Variants in SIDT2 observed in about 807,000 individuals in gnomAD.
SIDT2 encodes SID1 transmembrane family, member 2.
Under a neutral mutation model 114.4 loss-of-function variants are expected in SIDT2, and 68 were observed. The ratio of observed to expected loss-of-function variants is 0.59; its 90% CI spans 0.49 to 0.73. The LOEUF (loss-of-function observed/expected upper bound fraction) is 0.73, where lower values mean the gene tolerates loss of function less well. SIDT2 is among the 30% of genes least tolerant of loss of function. The pLI, the probability that SIDT2 is intolerant of heterozygous loss-of-function variation, is 0.00. For missense variants in SIDT2, 918 were observed against 1,097.1 expected (o/e 0.84, Z 2.31); for synonymous variants, 470 against 438.4 (o/e 1.07, Z -0.90).
chr11:117,190,044 G>A lies in SIDT2; in HGVS notation c.1493+19G>A, dbSNP rs1177086864. The A allele has an allele frequency of 1.5e-5, 24 of 1,613,984 alleles. No individual in the cohort carries two copies. The highest frequency in any genetic ancestry group is 1.9e-5 in the Non-Finnish European group (23 of 1,179,988). ...ATCTCAGGTGGGGGTCATGCTGGGA[G>A]GCCCCTTGTCCAGGCCAAGGGTGAA... is the stretch of plus-strand genomic sequence containing the variant. On this transcript the variant is annotated intron_variant, in intron 16 of 25. Coordinates refer to ENST00000324225, the MANE Select transcript of SIDT2 (RefSeq NM_001040455.2). This position sits in a 1 kb window ranked among gnomAD's most constrained non-coding sequence, Gnocchi z 4.1.
chr11:117,183,966 G>T (rs565905950), intron 7 of SIDT2, 88 bp downstream of exon 7: 1 of 1,497,714 alleles, frequency 6.7e-7, no homozygotes. Context: ...CTGATTGGTG[G>T]ACCTGATAGG....
In SIDT2 at chr11:117,193,840, TG is replaced by T. The variant is rs766897357; in HGVS notation, c.2212-11del. On this transcript the variant is annotated splice_polypyrimidine_tract_variant and intron_variant, in intron 23 of 25. Coordinates refer to ENST00000324225, the MANE Select transcript of SIDT2 (RefSeq NM_001040455.2). ...AAGCCCTCAGACTGCTGTCCCTGCC[TG>T]GCCCCTCCCAGCTCCGGAGTGGGGA... 1.9e-6 allele frequency: 3 copies of T among 1,606,202 alleles called. No homozygotes were observed. Among genetic ancestry groups the T allele is most frequent in the Non-Finnish European group, 2.6e-6 (3 of 1,173,064 alleles).
rs1432987950 is a variant in SIDT2, at chr11:117,193,956, C to G, written c.2315C>G (p.Thr772Ser). ...TTCTTCTTCTTCCAGGGACTCAGCA[C>G]CTGGCAGGTGAGCACTCACCCTCAG... ...ALFFFFQGLS[T>S]WQKTPAESRE... The change falls in exon 24 of 26, where the codon ACC (threonine) becomes AGC (serine). Residue 772 changes from threonine (T) to serine (S), a missense_variant. Physicochemically the swap from Thr to Ser is moderately conservative, Grantham distance 58 (BLOSUM62 1). This residue lies in a region of SIDT2 where 275 missense variants were observed against 397.6 expected (regional missense o/e 0.69). Coordinates refer to ENST00000324225, the MANE Select transcript of SIDT2 (RefSeq NM_001040455.2). 1.2e-6 allele frequency: 2 copies of G among 1,613,740 alleles called. No individual in the cohort carries two copies. Among genetic ancestry groups the G allele is most frequent in the South Asian group, 2.2e-5 (2 of 91,078 alleles).
At chr11:117,191,847 C>T in intron 18 of SIDT2, 31 bp from the exon 19 acceptor site, 1 of 1,609,490 alleles carries the variant, frequency 6.2e-7, no homozygotes, top group Non-Finnish European at 8.5e-7. Context: ...GTGGCCATTT[C>T]TGCAGCTCCC....
intron 10 of SIDT2, 129 bp from the exon 11 acceptor site, chr11:117,187,249 A>G: frequency 1.0e-6 from 1 of 994,090 alleles, no homozygotes; most frequent in Non-Finnish European, 1.6e-6. Flanking sequence ...TTGCCTGGAT[A>G]GGTGCTGCTT....
intron 8 of SIDT2, chr11:117,185,902 G>C: frequency 3.0e-6 from 1 of 331,710 alleles, no homozygotes. Context: ...AAAAGTAGAA[G>C]AGAAAGTTCT....
chr11:117,192,380 G>A lies in SIDT2; in HGVS notation c.1981+18G>A, dbSNP rs756590659. 81 of 1,523,684 alleles carry A rather than the reference G, an allele frequency of 5.3e-5. No homozygotes were observed. The Admixed American group carries it at 1.3e-3, about 25-fold the overall frequency. 94.4% of individuals were successfully genotyped at this position (1,523,684 alleles called of 1,614,324 possible). On this transcript the variant is annotated intron_variant, in intron 20 of 25. Coordinates refer to ENST00000324225, the MANE Select transcript of SIDT2 (RefSeq NM_001040455.2). This position sits in a 1 kb window ranked among gnomAD's most constrained non-coding sequence, Gnocchi z 5.9. ...GAAACTGGGTAAGGGCACGCCCGGG[G>A]CAGGGCCTGGGGGAGGGGTCTGGGG...
At chr11:117,179,498 C>G (rs1296002017) in intron 1 of SIDT2, 52 bp downstream of exon 1, 1 of 1,557,486 alleles carries the variant, frequency 6.4e-7, no homozygotes, top group Non-Finnish European at 8.7e-7. Flanking sequence ...CCGACGAGGG[C>G]TAGGCGATTC....
intron 10 of SIDT2, 94 bp downstream of exon 10, chr11:117,186,730 G>A (rs1181728820): frequency 4.0e-6 from 5 of 1,238,086 alleles, no homozygotes; most frequent in Non-Finnish European, 5.6e-6. Context: ...GAGGAGGAAG[G>A]GCTGGGGGTT....
chr11:117,189,728 C>T (rs761952744), intron 15 of SIDT2: 27 of 602,056 alleles, frequency 4.5e-5, no homozygotes, highest in East Asian at 1.1e-4. Flanking sequence ...ACTTCCATCA[C>T]GGTCATGCCT....
intron 9 of SIDT2, 63 bp downstream of exon 9, chr11:117,186,286 C>A: frequency 7.0e-7 from 1 of 1,429,364 alleles, no homozygotes; most frequent in Non-Finnish European, 9.9e-7. Context: ...TGGGGCAGAT[C>A]ACCTGGCAGG....
chr11:117,183,169 C>G (rs757796403), intron 6 of SIDT2, among the ~76,000 whole-genome samples: 11 of 152,046 alleles, frequency 7.2e-5, no homozygotes, highest in Non-Finnish European at 1.2e-4. Flanking sequence ...CAGGCTGAAA[C>G]CCCGTCTCTA....
At chr11:117,185,847 A>G (rs2030470621) in intron 8 of SIDT2, 1 of 328,056 alleles carries the variant, frequency 3.0e-6, no homozygotes, top group East Asian at 7.2e-5. Context: ...GCACTCCAGC[A>G]TGGGTAACAG....
Position 117,183,895 on chromosome 11 carries a change from G to A in SIDT2, c.802+17G>A. 1 of 1,595,328 alleles carries A rather than the reference G, an allele frequency of 6.3e-7. No homozygotes were observed. The highest frequency in any genetic ancestry group is 8.6e-7 in the Non-Finnish European group (1 of 1,162,966). The stretch of plus-strand genomic sequence containing the variant: ...TCGCAGAAGGTACATTTTGTGCCCT[G>A]GGCCTGGCTAGGGATGGGGAGGTCT... On this transcript the variant is annotated intron_variant, in intron 7 of 25. Transcript: ENST00000324225.
intron 23 of SIDT2, 133 bp from the exon 24 acceptor site, chr11:117,193,720 G>C (rs1314271795): frequency 1.1e-5 from 7 of 638,640 alleles, no homozygotes; most frequent in African/African-American, 1.1e-4. Context: ...TGTGCGGAAT[G>C]GTATGAATCC....
In SIDT2 at chr11:117,192,693, C is replaced by G; in HGVS notation, c.2058+43C>G. ...CTGCTCCATTCTCCACATCTCCTTT[C>G]TTCCCTCTGATGGGGGAGTGGGGCT... On this transcript the variant is annotated intron_variant, in intron 21 of 25. Coordinates refer to ENST00000324225, the MANE Select transcript of SIDT2 (RefSeq NM_001040455.2). The surrounding 1 kb of genome is among the most constrained non-coding windows in gnomAD (Gnocchi z 5.9). 6.2e-7 allele frequency: 1 copy of G among 1,612,728 alleles called. No individual in the cohort carries two copies. Among genetic ancestry groups the G allele is most frequent in the Non-Finnish European group, 8.5e-7 (1 of 1,179,522 alleles).
rs1039799099 is a variant in SIDT2 at position 117,188,130 on chromosome 11, G to A, written c.1159+431G>A. On this transcript the variant is annotated intron_variant, in intron 12 of 25. Coordinates refer to ENST00000324225, the MANE Select transcript of SIDT2 (RefSeq NM_001040455.2). This position sits in a 1 kb window ranked among gnomAD's most constrained non-coding sequence, Gnocchi z 4.0. ...CAGAGCACAGGCTCCTTTGGCTGGC[G>A]GGCTGGCGCCTCCGCTCTCTCCAGG... The A allele has an allele frequency of 2.3e-5, 9 of 383,690 alleles. No individual in the cohort carries two copies. The highest frequency in any genetic ancestry group is 4.2e-5 in the African/African-American group (2 of 47,672). 23.8% of individuals were successfully genotyped at this position (383,690 alleles called of 1,614,324 possible). A position where few individuals can be genotyped will look rare whatever the true frequency, so the allele number is the denominator to read the frequency against.
At chr11:117,195,652 G>A in intron 24 of SIDT2, 150 bp from the exon 25 acceptor site, 1 of 740,856 alleles carries the variant, frequency 1.3e-6, no homozygotes, top group Non-Finnish European at 2.3e-6. Context: ...ATCGGGAAGG[G>A]GTAGGGACAA....
In SIDT2 at chr11:117,179,443, C is replaced by T; in HGVS notation, c.180C>T (p.Asn60=). 6.2e-7 allele frequency: 1 copy of T among 1,612,818 alleles called. No homozygotes were observed. The part of the protein sequence containing the change: ...IYTFNHTVTR[N]RTEGVRVSVN... ...CCTTCAACCATACTGTGACCCGCAA[C>T]AGGGTGAGGGCTGGGGGCTTAGGGG... Residue 60 remains asparagine, a synonymous_variant, in exon 1 of 26, where the codon AAC becomes AAT. Transcript: ENST00000324225.
Sources: gnomAD v4.1 joint callset for allele counts (sites outside exome capture counted in the v4.1 genomes callset) on GRCh38, gnomAD v4.1.1 for gene constraint, gnomAD v4.1.1 regional missense constraint, Gnocchi (gnomAD v3.1) non-coding constraint, MANE v1.5 for transcripts, NCBI Gene and HGNC (gene_info 2026-07-23, HGNC 2026-07-21) for gene names.